Variants in KLHL29 observed in about 807,000 individuals in gnomAD.
KLHL29 encodes the protein kelch like family member 29.
Under a neutral mutation model 80.4 loss-of-function variants are expected in KLHL29, and 21 were observed. The observed-to-expected ratio is 0.26, with a 90% confidence interval of 0.19 to 0.38. The LOEUF (loss-of-function observed/expected upper bound fraction) is 0.38, where lower values mean the gene tolerates loss of function less well. KLHL29 is among the 10% of genes least tolerant of loss of function. The pLI, the probability that KLHL29 is intolerant of heterozygous loss-of-function variation, is 1.00. For synonymous variants in KLHL29, 511 were observed against 526.8 expected (o/e 0.97, Z 0.41); for missense variants, 867 against 1,223.9 (o/e 0.71, Z 4.35).
Position 23,601,880 on chromosome 2 carries a change from G to A in KLHL29, c.286-37259G>A, listed in dbSNP as rs528797840. 3.7e-4 allele frequency among the ~76,000 whole-genome samples: 57 copies of A among 152,344 alleles called. No homozygotes were observed. The South Asian group carries it at 0.011, about 30-fold the overall frequency. ...CAGGGCCGTGCTGTTTGCACACCAAGCCCTCCGCAGTGTGGGGGTGGTAGT... is the reference window on the plus strand; with the variant it reads ...CAGGGCCGTGCTGTTTGCACACCAAACCCTCCGCAGTGTGGGGGTGGTAGT... On this transcript the variant is annotated intron_variant, in intron 3 of 13. Transcript: ENST00000486442.
In KLHL29 at chr2:23,703,298, G is replaced by C; in HGVS notation, c.2218G>C (p.Glu740Gln). The C allele has an allele frequency of 6.5e-7, 1 of 1,548,618 alleles. No individual in the cohort carries two copies. The change falls in exon 12 of 14, where the codon GAG (glutamate) becomes CAG (glutamine). Residue 740 changes from glutamate to glutamine, a missense_variant. Glu to Gln is a conservative substitution (Grantham distance 29). Around this residue, in one of 2 missense-constraint regions of KLHL29, gnomAD observed 443 missense variants for 767.0 expected, o/e 0.58. Transcript: ENST00000486442. ...GATCTACGTGTTTGGTGGGGTGAAC[G>C]AGGCAGGCCGAGCTGCCGGCGTCCT... is the stretch of plus-strand genomic sequence containing the variant. ...GKIYVFGGVNEAGRAAGVLQS... is the reference protein window; with the variant it reads ...GKIYVFGGVNQAGRAAGVLQS...
At chr2:23,582,673 C>A (rs1316991106) in intron 3 of KLHL29, among the ~76,000 whole-genome samples, 1 of 152,180 alleles carries the variant, frequency 6.6e-6, no homozygotes, top group Non-Finnish European at 1.5e-5. Context: ...CAGTTCCACT[C>A]CCCATCCCAT....
chr2:23,463,332 G>A (rs997068675), intron 1 of KLHL29, among the ~76,000 whole-genome samples: 1 of 151,656 alleles, frequency 6.6e-6, no homozygotes, highest in Non-Finnish European at 1.5e-5. Context: ...ATAACATACA[G>A]ACACTAAAAT....
chr2:23,695,857 A>T lies in KLHL29; in HGVS notation c.1741+36A>T, dbSNP rs1334548435. On this transcript the variant is annotated intron_variant, in intron 9 of 13. Transcript: ENST00000486442. This position sits in a 1 kb window ranked among gnomAD's most constrained non-coding sequence, Gnocchi z 7.6. ...GCACGCCCCGAACCTCCCAAGAAGCAGTGTCTTGGGCTCAGTGGTTCCAGT... is the reference window on the plus strand; with the variant it reads ...GCACGCCCCGAACCTCCCAAGAAGCTGTGTCTTGGGCTCAGTGGTTCCAGT... The T allele has an allele frequency of 6.5e-7, 1 of 1,538,174 alleles. No homozygotes were observed. The highest frequency in any genetic ancestry group is 8.8e-7 in the Non-Finnish European group (1 of 1,140,932).
At position 23,524,114 on chromosome 2, in the gene KLHL29, C is replaced by T. The variant is rs182597106; in HGVS notation, c.-45-38038C>T. On this transcript the variant is annotated intron_variant, in intron 2 of 13. Transcript: ENST00000486442. ...CATGACACCTCAGTGTCGTAGGTAG[C>T]GGAGATGCAAGTGTTCCCATTTCTC... is the stretch of plus-strand genomic sequence containing the variant. The T allele has an allele frequency of 2.5e-3, 1,152 of 456,556 alleles. 14 individuals carry two copies. Among genetic ancestry groups the T allele is most frequent in the African/African-American group, 0.021 (1,018 of 49,558 alleles). 28.3% of individuals were successfully genotyped at this position (456,556 alleles called of 1,614,324 possible).
rs1176777016 is a variant in KLHL29 at position 23,503,018 on chromosome 2, T to G, written c.-46+27351T>G. Reference sequence around the variant, plus strand: ...TGGCCTGTCTTACCTACAGTTGTATTTTCCTCTTTAATCATAAGGATTTAC... The same window carrying G: ...TGGCCTGTCTTACCTACAGTTGTATGTTCCTCTTTAATCATAAGGATTTAC... On this transcript the variant is annotated intron_variant, in intron 2 of 13. Coordinates refer to ENST00000486442, the MANE Select transcript of KLHL29 (RefSeq NM_052920.2). This position sits in a 1 kb window ranked among gnomAD's most constrained non-coding sequence, Gnocchi z 4.0. Among the ~76,000 whole-genome samples, 1 of 152,238 alleles carries G rather than the reference T, an allele frequency of 6.6e-6. No homozygotes were observed. The highest frequency in any genetic ancestry group is 1.5e-5 in the Non-Finnish European group (1 of 68,038).
At chr2:23,590,174 A>C (rs1223827525) in intron 3 of KLHL29, among the ~76,000 whole-genome samples, 2 of 152,220 alleles carry the variant, frequency 1.3e-5, no homozygotes, top group African/African-American at 2.4e-5. Context: ...TCCTGGCCCC[A>C]AGCCCGCTCC....
chr2:23,597,345 G>GTGTGTGTA (rs1668440103), intron 3 of KLHL29, among the ~76,000 whole-genome samples: 2 of 125,078 alleles, frequency 1.6e-5, no homozygotes, highest in Non-Finnish European at 3.2e-5. Flanking sequence ...GTGTGTGTGT[G>GTGTGTGTA]TATGTATATG....
At chr2:23,670,785 G>A (rs1370893407) in intron 5 of KLHL29, among the ~76,000 whole-genome samples, 2 of 151,848 alleles carry the variant, frequency 1.3e-5, no homozygotes, top group Admixed American at 6.6e-5. Context: ...AACTGACCCG[G>A]GCCAGGTTGG....
intron 2 of KLHL29, among the ~76,000 whole-genome samples, chr2:23,543,964 T>C (rs917028110): frequency 3.9e-5 from 6 of 152,178 alleles, no homozygotes; most frequent in Non-Finnish European, 8.8e-5. Context: ...GGGTCGGGGC[T>C]TGCTGGACAG....
intron 2 of KLHL29, among the ~76,000 whole-genome samples, chr2:23,498,670 A>G (rs762650083): frequency 3.9e-5 from 6 of 152,260 alleles, no homozygotes; most frequent in Non-Finnish European, 8.8e-5. Flanking sequence ...AGTAATGCAG[A>G]TGTCCTATAC....
At chr2:23,478,601 G>A (rs983258224) in intron 2 of KLHL29, among the ~76,000 whole-genome samples, 1 of 152,160 alleles carries the variant, frequency 6.6e-6, no homozygotes, top group African/African-American at 2.4e-5. Context: ...GGGGTGGGGG[G>A]AGTTGAGCCG....
chr2:23,566,294 A>C (rs1667588306), intron 3 of KLHL29, among the ~76,000 whole-genome samples: 1 of 152,206 alleles, frequency 6.6e-6, no homozygotes, highest in Admixed American at 6.5e-5. Context: ...ACAAGTTCCA[A>C]GAGCCTAACA....
chr2:23,516,304 C>T (rs1018286324), intron 2 of KLHL29, among the ~76,000 whole-genome samples: 2 of 152,178 alleles, frequency 1.3e-5, no homozygotes, highest in African/African-American at 2.4e-5. Flanking sequence ...GAAGGCAGCA[C>T]CCTGCACACA....
intron 6 of KLHL29, 186 bp from the exon 7 acceptor site, chr2:23,691,488 T>A: frequency 1.7e-6 from 1 of 603,340 alleles, no homozygotes; most frequent in South Asian, 2.0e-5. Context: ...CTTTTGGGCG[T>A]CTCTGGTCAG....
intron 3 of KLHL29, among the ~76,000 whole-genome samples, chr2:23,564,781 C>T (rs184155990): frequency 4.0e-4 from 61 of 152,348 alleles, no homozygotes; most frequent in Admixed American, 2.9e-3. Flanking sequence ...CTGGCTGGCT[C>T]TTGCCCTCGG....
At chr2:23,497,892 A>G (rs1653751) in intron 2 of KLHL29, among the ~76,000 whole-genome samples, 98,166 of 152,040 alleles carry the variant, frequency 0.65, 31,973 homozygotes, top group Non-Finnish European at 0.7. Context: ...ACCGGGTAGA[A>G]AGTATTCAAG....
At chr2:23,402,552 G>C (rs1666620654) in intron 1 of KLHL29, among the ~76,000 whole-genome samples, 1 of 151,734 alleles carries the variant, frequency 6.6e-6, no homozygotes, top group Non-Finnish European at 1.5e-5. Context: ...GTATCTCCCT[G>C]GCATCCCCCA....
At chr2:23,387,508 TTATTATTA>T (rs1558319604) in intron 1 of KLHL29, among the ~76,000 whole-genome samples, 5,019 of 87,232 alleles carry the variant, frequency 0.058, 297 homozygotes, top group African/African-American at 0.23. Context: ...TCCTGATTTA[TTATTATTA>T]TTATTATTAT....
Sources: gnomAD v4.1 joint callset for allele counts (sites outside exome capture counted in the v4.1 genomes callset) on GRCh38, gnomAD v4.1.1 for gene constraint, gnomAD v4.1.1 regional missense constraint, Gnocchi (gnomAD v3.1) non-coding constraint, MANE v1.5 for transcripts, NCBI Gene and HGNC (gene_info 2026-07-23, HGNC 2026-07-21) for gene names.